USP9X: variants seen among roughly 807,000 people sequenced by gnomAD.
USP9X encodes ubiquitin carboxyl-terminal hydrolase 9X.
In USP9X, 7 loss-of-function variants were observed where a neutral mutation model predicts 190.3. The ratio of observed to expected loss-of-function variants is 0.04; its 90% confidence interval spans 0.02 to 0.07. The LOEUF (loss-of-function observed/expected upper bound fraction) is 0.07, where lower values mean the gene tolerates loss of function less well. Ranked by LOEUF, USP9X falls within the 10% of genes least tolerant of loss-of-function variation. The pLI, the probability that USP9X is intolerant of heterozygous loss-of-function variation, is 1.00. For missense variants in USP9X, 1,010 were observed against 1,916.9 expected, an observed-to-expected ratio of 0.53 and a Z score of 8.83; for synonymous variants, 645 against 659.5, an observed-to-expected ratio of 0.98 and a Z score of 0.34.
intron 43 of USP9X, among the ~76,000 whole-genome samples, 184 bp from the exon 44 acceptor site, chrX:41,230,317 A>G (rs2063348772): frequency 1.0e-5 from 1 of 98,400 alleles, no homozygotes; most frequent in African/African-American, 3.7e-5. Context: ...GAGAGAATGC[A>G]AATCAGGTTT....
intron 12 of USP9X, 132 bp from the exon 13 acceptor site, chrX:41,150,789 T>C: frequency 1.5e-6 from 1 of 660,317 alleles, no homozygotes; most frequent in Non-Finnish European, 2.2e-6. Flanking sequence ...AACTCTTTAC[T>C]GTAATTACAA....
chrX:41,213,273 G>C (rs191004016), intron 33 of USP9X, among the ~76,000 whole-genome samples: 53 of 110,860 alleles, frequency 4.8e-4, no homozygotes, highest in African/African-American at 1.7e-3. Flanking sequence ...TTCCAGCCTG[G>C]GTGACAGAGT....
chrX:41,087,079 TTAC>T, intron 1 of USP9X, among the ~76,000 whole-genome samples: 1 of 112,704 alleles, frequency 8.9e-6, no homozygotes, highest in Non-Finnish European at 1.9e-5. Context: ...AGTTCCATAG[TTAC>T]AACGTTAATT....
intron 11 of USP9X, 46 bp downstream of exon 11, chrX:41,144,672 A>ATGGTAATATT: frequency 1.0e-6 from 1 of 990,455 alleles, no homozygotes; most frequent in Non-Finnish European, 1.4e-6. Context: ...TTCAAATAGA[A>ATGGTAATATT]TTGATTAATT....
chrX:41,127,146 A>G (rs1180537794), intron 2 of USP9X, among the ~76,000 whole-genome samples: 1 of 111,845 alleles, frequency 8.9e-6, no homozygotes, highest in Non-Finnish European at 1.9e-5. Context: ...TTGAAGTTCA[A>G]CACAAAGGTT....
intron 1 of USP9X, among the ~76,000 whole-genome samples, chrX:41,087,999 T>C (rs56038609): frequency 8.9e-6 from 1 of 111,771 alleles, no homozygotes; most frequent in Non-Finnish European, 1.9e-5. Flanking sequence ...CTCATGGTTT[T>C]GTTTGTTTGT....
Position 41,140,784 on chromosome X carries a change from T to TA in USP9X, c.770+18dup. On this transcript the variant is annotated intron_variant, in intron 7 of 44. Transcript: ENST00000378308. Reference sequence around the variant, plus strand: ...CAGCCCTTATTAAGTAAGTTACATTTAAAAATCAATGGTTAGTGCACCGTA... The same window carrying TA: ...CAGCCCTTATTAAGTAAGTTACATTTAAAAAATCAATGGTTAGTGCACCGTA... 1.7e-6 allele frequency: 2 copies of TA among 1,169,251 alleles called. No homozygotes were observed. The highest frequency in any genetic ancestry group is 3.6e-5 in the African/African-American group (2 of 56,234).
intron 1 of USP9X, among the ~76,000 whole-genome samples, chrX:41,101,780 T>C (rs969871933): frequency 1.2e-4 from 13 of 112,871 alleles, no homozygotes; most frequent in African/African-American, 4.2e-4. Context: ...ACAACCCAAA[T>C]GTCCATTGTC....
intron 4 of USP9X, among the ~76,000 whole-genome samples, chrX:41,132,615 T>C (rs2062332481): frequency 9.0e-6 from 1 of 110,821 alleles, no homozygotes; most frequent in African/African-American, 3.3e-5. Context: ...ATCTTTTTTC[T>C]TTCTTTCTTT....
At position 41,137,001 on chromosome X, in the gene USP9X, T is replaced by A. The variant is rs1326904134; in HGVS notation, c.633T>A (p.Ser211=). The change falls in exon 6 of 45, where the codon TCT becomes TCA. Residue 211 remains serine (S), a synonymous_variant. Coordinates refer to ENST00000378308, the MANE Select transcript of USP9X (RefSeq NM_001039591.3). ...QLPEDELFAR[S]PDPRSPKGWL... is the part of the protein sequence containing the mutation. ...CTGAAGATGAACTCTTTGCTCGTTCTCCAGATCCTCGATCACCAAAGGTGT... is the reference window on the plus strand; with the variant it reads ...CTGAAGATGAACTCTTTGCTCGTTCACCAGATCCTCGATCACCAAAGGTGT... 4 of 1,209,691 alleles carry A rather than the reference T, an allele frequency of 3.3e-6. No individual in the cohort carries two copies. In the African/African-American group the frequency reaches 7.0e-5, roughly 21 times the overall value.
At chrX:41,212,750 T>C (rs1602042588) in intron 33 of USP9X, among the ~76,000 whole-genome samples, 1 of 111,342 alleles carries the variant, frequency 9.0e-6, no homozygotes, top group South Asian at 3.8e-4. Flanking sequence ...TGAGTACACA[T>C]GTGGTTTGTG....
chrX:41,101,463 C>T (rs1160164068), intron 1 of USP9X, among the ~76,000 whole-genome samples: 3 of 109,991 alleles, frequency 2.7e-5, no homozygotes, highest in Admixed American at 9.7e-5. Flanking sequence ...GGCACATGCC[C>T]GTAGTCCCAG....
intron 1 of USP9X, among the ~76,000 whole-genome samples, chrX:41,111,973 G>A (rs2062112255): frequency 9.1e-6 from 1 of 109,564 alleles, no homozygotes; most frequent in South Asian, 3.9e-4. Context: ...AGCCTCCCTA[G>A]TAGCTGGGAC....
chrX:41,174,563 A>G, intron 21 of USP9X, among the ~76,000 whole-genome samples: 1 of 111,916 alleles, frequency 8.9e-6, no homozygotes, highest in Non-Finnish European at 1.9e-5. Context: ...CAGAAATACC[A>G]CAGAAGCGAT....
At chrX:41,166,893 C>A (rs760395999) in intron 16 of USP9X, among the ~76,000 whole-genome samples, 1 of 111,723 alleles carries the variant, frequency 9.0e-6, no homozygotes, top group Non-Finnish European at 1.9e-5. Flanking sequence ...TCTTAAAACT[C>A]AAAATTTGCA....
chrX:41,231,737 A>AG (rs1415074355), intron 44 of USP9X, among the ~76,000 whole-genome samples: 1 of 109,780 alleles, frequency 9.1e-6, no homozygotes, highest in Non-Finnish European at 1.9e-5. Context: ...ATCTCAAAAA[A>AG]AAAAAAAAAA....
intron 13 of USP9X, 137 bp from the exon 14 acceptor site, chrX:41,152,811 C>A: frequency 1.7e-6 from 1 of 599,078 alleles, no homozygotes; most frequent in Non-Finnish European, 2.4e-6. Flanking sequence ...GTGATATTTT[C>A]ATTAAAAGAA....
intron 16 of USP9X, among the ~76,000 whole-genome samples, 191 bp downstream of exon 16, chrX:41,166,405 C>T (rs980426754): frequency 5.4e-5 from 6 of 111,765 alleles, no homozygotes; most frequent in African/African-American, 2.0e-4. Flanking sequence ...CCTCTCCCTC[C>T]TCCTGCCACT....
intron 43 of USP9X, 141 bp from the exon 44 acceptor site, chrX:41,230,357 TCCC>T: frequency 2.1e-6 from 1 of 465,353 alleles, no homozygotes; most frequent in African/African-American, 2.4e-5. Context: ...TTTTGTTTTT[TCCC>T]CAAGTTCTTT....
Sources: gnomAD v4.1 joint callset for allele counts (sites outside exome capture counted in the v4.1 genomes callset) on GRCh38, gnomAD v4.1.1 for gene constraint, MANE v1.5 for transcripts, NCBI Gene and HGNC (gene_info 2026-07-23, HGNC 2026-07-21) for gene names.